TRDN: variants seen among roughly 807,000 people sequenced by gnomAD.
TRDN encodes the protein triadin.
In TRDN, 161 loss-of-function variants were observed where a neutral mutation model predicts 149.7. That is an observed-to-expected ratio of 1.08 (90% CI 0.95 to 1.23). The LOEUF (loss-of-function observed/expected upper bound fraction) is 1.23, where lower values mean the gene tolerates loss of function less well. Among genes scored for constraint, TRDN ranks in the 50% most tolerant of loss-of-function variants. TRDN has a pLI of 0.00. For synonymous variants in TRDN, 294 were observed against 250.5 expected, an observed-to-expected ratio of 1.17 and a Z score of -1.64; for missense variants, 896 against 823.5, an observed-to-expected ratio of 1.09 and a Z score of -1.08.
intron 5 of TRDN, among the ~76,000 whole-genome samples, chr6:123,523,497 C>G (rs563601976): frequency 6.6e-6 from 1 of 152,226 alleles, no homozygotes; most frequent in South Asian, 2.1e-4. Context: ...ACTTTTATCT[C>G]TTAGCACTGG....
chr6:123,326,994 G>A (rs1015661966), intron 23 of TRDN, among the ~76,000 whole-genome samples: 1 of 151,980 alleles, frequency 6.6e-6, no homozygotes, highest in African/African-American at 2.4e-5. Context: ...GTAACCAAAA[G>A]CTATATATAT....
intron 7 of TRDN, among the ~76,000 whole-genome samples, chr6:123,511,484 A>T (rs1186848769): frequency 6.6e-6 from 1 of 152,164 alleles, no homozygotes; most frequent in East Asian, 1.9e-4. Context: ...TAAATATTGA[A>T]AATAAATAAT....
chr6:123,388,381 A>G, intron 14 of TRDN, 141 bp downstream of exon 14: 2 of 908,634 alleles, frequency 2.2e-6, no homozygotes, highest in Non-Finnish European at 3.5e-6. Context: ...AAGTAGAAAA[A>G]GCACATTCAT....
chr6:123,497,171 G>T, intron 9 of TRDN, 22 bp downstream of exon 9: 1 of 1,514,390 alleles, frequency 6.6e-7, no homozygotes, highest in Non-Finnish European at 8.9e-7. Context: ...AAACAGACAA[G>T]TACAAGAATT....
chr6:123,344,404 T>TA (rs1780177891), intron 21 of TRDN, among the ~76,000 whole-genome samples: 1 of 152,006 alleles, frequency 6.6e-6, no homozygotes, highest in Non-Finnish European at 1.5e-5. Flanking sequence ...TTCATTACCC[T>TA]AAAAATTCTC....
intron 8 of TRDN, 150 bp from the exon 9 acceptor site, chr6:123,497,402 A>G (rs181146443): frequency 3.9e-6 from 2 of 506,496 alleles, no homozygotes; most frequent in African/African-American, 4.0e-5. Context: ...TTGCACTTAT[A>G]TGAAAATACA....
At chr6:123,572,019 T>C (rs1227765216) in intron 1 of TRDN, among the ~76,000 whole-genome samples, 1 of 152,154 alleles carries the variant, frequency 6.6e-6, no homozygotes, top group African/African-American at 2.4e-5. Context: ...TAATCACTTT[T>C]ATAGCTTTGA....
intron 7 of TRDN, among the ~76,000 whole-genome samples, chr6:123,506,347 T>C (rs1404543738): frequency 2.6e-5 from 4 of 152,306 alleles, no homozygotes; most frequent in Admixed American, 2.6e-4. Flanking sequence ...TCCAAAAATT[T>C]ATTCCTCTAC....
At chr6:123,223,943 T>C in intron 39 of TRDN, 150 bp downstream of exon 39, 1 of 592,530 alleles carries the variant, frequency 1.7e-6, no homozygotes, top group Admixed American at 3.3e-5. Flanking sequence ...TAAAAAGCTG[T>C]TTGCTTTAAA....
At chr6:123,491,381 G>T (rs1778211518) in intron 9 of TRDN, among the ~76,000 whole-genome samples, 1 of 152,104 alleles carries the variant, frequency 6.6e-6, no homozygotes, top group Non-Finnish European at 1.5e-5. Flanking sequence ...CTGATGAGCT[G>T]TTTGTTTCTT....
chr6:123,479,300 C>A (rs1777640297), intron 9 of TRDN, among the ~76,000 whole-genome samples: 1 of 151,970 alleles, frequency 6.6e-6, no homozygotes, highest in Admixed American at 6.6e-5. Context: ...GAGTAGAACA[C>A]TAATCTTTCA....
intron 2 of TRDN, among the ~76,000 whole-genome samples, chr6:123,557,968 T>C (rs1311338919): frequency 2.6e-5 from 4 of 152,178 alleles, no homozygotes; most frequent in Admixed American, 6.5e-5. Context: ...ATGCCTTATT[T>C]TCTTCTGTAC....
intron 2 of TRDN, among the ~76,000 whole-genome samples, chr6:123,569,946 A>T (rs1358984542): frequency 6.6e-6 from 1 of 152,232 alleles, no homozygotes; most frequent in African/African-American, 2.4e-5. Flanking sequence ...CCCAAACAAC[A>T]GAGTTCTATT....
intron 12 of TRDN, among the ~76,000 whole-genome samples, chr6:123,414,612 C>T (rs534923548): frequency 6.6e-6 from 1 of 152,156 alleles, no homozygotes; most frequent in South Asian, 2.1e-4. Context: ...AGTTCCCAAT[C>T]AAGAACTTGG....
intron 23 of TRDN, among the ~76,000 whole-genome samples, chr6:123,327,470 G>A (rs1489497813): frequency 1.3e-5 from 2 of 152,106 alleles, no homozygotes; most frequent in East Asian, 3.9e-4. Flanking sequence ...ATAGGAAAAG[G>A]AAATATTGCT....
At chr6:123,596,013 G>T (rs1784022408) in intron 1 of TRDN, among the ~76,000 whole-genome samples, 1 of 152,122 alleles carries the variant, frequency 6.6e-6, no homozygotes, top group South Asian at 2.1e-4. Flanking sequence ...ATTAAGCTTA[G>T]TGAGGAAGCC....
chr6:123,555,036 T>C (rs7341367), intron 2 of TRDN, among the ~76,000 whole-genome samples: 3 of 152,170 alleles, frequency 2.0e-5, no homozygotes, highest in African/African-American at 7.2e-5. Flanking sequence ...CCTGGAGTTT[T>C]CAGCATCAAC....
At chr6:123,390,136 C>A (rs1007307953) in intron 13 of TRDN, among the ~76,000 whole-genome samples, 1 of 152,062 alleles carries the variant, frequency 6.6e-6, no homozygotes, top group African/African-American at 2.4e-5. Flanking sequence ...TTGCTCTGAA[C>A]GCTAAACTTC....
At chr6:123,350,885 T>A (rs1029827367) in intron 21 of TRDN, 2 of 983,588 alleles carry the variant, frequency 2.0e-6, no homozygotes, top group Non-Finnish European at 2.4e-6. Flanking sequence ...TATAAAATCA[T>A]CTGAAGGAGT....
Sources: gnomAD v4.1 joint callset for allele counts (sites outside exome capture counted in the v4.1 genomes callset) on GRCh38, gnomAD v4.1.1 for gene constraint, MANE v1.5 for transcripts, NCBI Gene and HGNC (gene_info 2026-07-23, HGNC 2026-07-21) for gene names.